ATP13A3: variants seen among roughly 807,000 people sequenced by gnomAD.
ATP13A3 encodes ATPase 13A3.
Under a neutral mutation model 158.1 loss-of-function variants are expected in ATP13A3, and 59 were observed. The ratio of observed to expected loss-of-function variants is 0.37; its 90% CI spans 0.30 to 0.46. ATP13A3 has a LOEUF of 0.46. Ranked by LOEUF, ATP13A3 falls within the 20% of genes least tolerant of loss-of-function variation. The pLI, the probability that ATP13A3 is intolerant of heterozygous loss-of-function variation, is 1.00. For missense variants in ATP13A3, 1,166 were observed against 1,525.2 expected (o/e 0.76, Z 3.92); for synonymous variants, 491 against 504.3 (o/e 0.97, Z 0.35).
At chr3:194,464,738 T>C (rs1330894003) in intron 2 of ATP13A3, among the ~76,000 whole-genome samples, 2 of 152,188 alleles carry the variant, frequency 1.3e-5, no homozygotes, top group African/African-American at 2.4e-5. Flanking sequence ...ATGAACCTTG[T>C]AGTCATCACT....
intron 30 of ATP13A3, among the ~76,000 whole-genome samples, chr3:194,423,741 C>T (rs906852098): frequency 3.9e-5 from 6 of 152,038 alleles, no homozygotes; most frequent in Non-Finnish European, 7.4e-5. Context: ...GGAAATTAAA[C>T]GAGAAAACAA....
chr3:194,411,234 T>C (rs896006625), intron 33 of ATP13A3, among the ~76,000 whole-genome samples: 1 of 152,030 alleles, frequency 6.6e-6, no homozygotes, highest in African/African-American at 2.4e-5. Context: ...ACCACTTAGG[T>C]AAAAGTTGGC....
intron 16 of ATP13A3, among the ~76,000 whole-genome samples, chr3:194,439,528 A>G (rs1185092373): frequency 6.6e-6 from 1 of 152,256 alleles, no homozygotes; most frequent in Non-Finnish European, 1.5e-5. Flanking sequence ...AGAAAAACGT[A>G]TATTAAACAC....
At chr3:194,479,479 C>T (rs985664965) in intron 2 of ATP13A3, among the ~76,000 whole-genome samples, 1 of 151,458 alleles carries the variant, frequency 6.6e-6, no homozygotes, top group African/African-American at 2.4e-5. Context: ...AAGGAAACTA[C>T]AGATGAAAAT....
chr3:194,446,534 T>C (rs1718422399), intron 14 of ATP13A3, among the ~76,000 whole-genome samples: 1 of 152,226 alleles, frequency 6.6e-6, no homozygotes, highest in South Asian at 2.1e-4. Flanking sequence ...ATTACCTTAC[T>C]TGTTTTTATT....
chr3:194,470,244 CTG>C (rs1364930144), intron 2 of ATP13A3, among the ~76,000 whole-genome samples: 1 of 152,118 alleles, frequency 6.6e-6, no homozygotes, highest in Non-Finnish European at 1.5e-5. Flanking sequence ...CAAACCAAGA[CTG>C]TATTTACATT....
At chr3:194,477,879 C>T (rs1330079654) in intron 2 of ATP13A3, among the ~76,000 whole-genome samples, 1 of 152,140 alleles carries the variant, frequency 6.6e-6, no homozygotes. Flanking sequence ...TACAGATCAT[C>T]CATTCTTCTT....
At chr3:194,411,724 A>C (rs541962136) in intron 33 of ATP13A3, among the ~76,000 whole-genome samples, 19 of 152,352 alleles carry the variant, frequency 1.2e-4, no homozygotes, top group African/African-American at 4.1e-4. Context: ...ATTAAGGGAC[A>C]GTAACTGACA....
Position 194,425,540 on chromosome 3 carries a change from T to C in ATP13A3, c.3126-11A>G, listed in dbSNP as rs1195158296. The C allele has an allele frequency of 5.0e-6, 8 of 1,586,130 alleles. No individual in the cohort carries two copies. Among genetic ancestry groups the C allele is most frequent in the South Asian group, 1.2e-5 (1 of 85,740 alleles). The stretch of plus-strand genomic sequence containing the variant: ...GTTGTATTACAAGCACTAGAACACA[T>C]GCAAAAAATGTCTGCATTAGTAAAC... On this transcript the variant is annotated splice_polypyrimidine_tract_variant and intron_variant, in intron 29 of 33. Transcript: ENST00000645319.
At chr3:194,426,965 G>A (rs1716823812) in intron 29 of ATP13A3, 110 bp downstream of exon 29, 1 of 1,179,372 alleles carries the variant, frequency 8.5e-7, no homozygotes. Context: ...GACTACAGGT[G>A]TGAGCCACCG....
At position 194,462,132 on chromosome 3, in the gene ATP13A3, C is replaced by T; in HGVS notation, c.51+8G>A. 6.2e-7 allele frequency: 1 copy of T among 1,612,942 alleles called. No homozygotes were observed. Among genetic ancestry groups the T allele is most frequent in the Non-Finnish European group, 8.5e-7 (1 of 1,178,992 alleles). On this transcript the variant is annotated splice_region_variant and intron_variant, in intron 3 of 33. Transcript: ENST00000645319. ...ACACATCACCAGTAAATTAGAACAG[C>T]TGGTTACCATTTCATCTTCTTGACC...
At chr3:194,428,797 T>C in intron 28 of ATP13A3, 48 bp downstream of exon 28, 3 of 1,371,720 alleles carry the variant, frequency 2.2e-6, no homozygotes, top group Non-Finnish European at 3.1e-6. Flanking sequence ...ATAAGTCACA[T>C]CAGAATTTCA....
At chr3:194,411,626 T>C (rs962517501) in intron 33 of ATP13A3, among the ~76,000 whole-genome samples, 1 of 152,122 alleles carries the variant, frequency 6.6e-6, no homozygotes, top group African/African-American at 2.4e-5. Flanking sequence ...AAGTCAAATG[T>C]CCTAAACCAC....
chr3:194,469,746 T>C (rs1720213726), intron 2 of ATP13A3, among the ~76,000 whole-genome samples: 1 of 152,194 alleles, frequency 6.6e-6, no homozygotes, highest in Admixed American at 6.5e-5. Context: ...AGTGCTTTAA[T>C]GATCTTGAAA....
chr3:194,441,496 T>C, intron 15 of ATP13A3, 35 bp from the exon 16 acceptor site: 1 of 1,577,304 alleles, frequency 6.3e-7, no homozygotes, highest in Non-Finnish European at 8.7e-7. Flanking sequence ...GTTTCATAAA[T>C]TCTAAGATTC....
chr3:194,432,919 G>C (rs1717332800), intron 21 of ATP13A3, among the ~76,000 whole-genome samples: 3 of 151,768 alleles, frequency 2.0e-5, no homozygotes, highest in African/African-American at 7.3e-5. Flanking sequence ...GAATCCCTTA[G>C]ATGTACTAGA....
At position 194,448,769 on chromosome 3, in the gene ATP13A3, C is replaced by T. The variant is rs2108901810; in HGVS notation, c.971-133G>A. On this transcript the variant is annotated intron_variant, in intron 11 of 33. Transcript: ENST00000645319. The surrounding 1 kb of genome is among the most constrained non-coding windows in gnomAD (Gnocchi z 4.0). ...GCTACCATACTGTTTACAATAATCA[C>T]TGAGAGTTGTATATGTGGACAACAT... 1.1e-6 allele frequency: 1 copy of T among 948,146 alleles called. No homozygotes were observed. 58.7% of individuals were successfully genotyped at this position (948,146 alleles called of 1,614,324 possible).
intron 2 of ATP13A3, among the ~76,000 whole-genome samples, chr3:194,469,446 TGA>T (rs1720194453): frequency 6.6e-6 from 1 of 151,796 alleles, no homozygotes; most frequent in Non-Finnish European, 1.5e-5. Context: ...GGGAACAGAG[TGA>T]GACTCTGTCT....
chr3:194,424,592 CA>C (rs1214832527), intron 30 of ATP13A3, among the ~76,000 whole-genome samples: 1 of 152,158 alleles, frequency 6.6e-6, no homozygotes, highest in African/African-American at 2.4e-5. Flanking sequence ...ATAACTACAG[CA>C]AAAGAATAAT....
Sources: gnomAD v4.1 joint callset for allele counts (sites outside exome capture counted in the v4.1 genomes callset) on GRCh38, gnomAD v4.1.1 for gene constraint, Gnocchi (gnomAD v3.1) non-coding constraint, MANE v1.5 for transcripts, NCBI Gene and HGNC (gene_info 2026-07-23, HGNC 2026-07-21) for gene names.